The following PRR36 variants were observed in gnomAD, a reference collection of about 807,000 sequenced individuals.
The protein encoded by PRR36 is proline rich 36.
PRR36 carries 30 observed loss-of-function variants against 58.6 expected under a neutral mutation model. That is an observed-to-expected ratio of 0.51 (90% CI 0.38 to 0.69). PRR36 has a LOEUF of 0.69. Ranked by LOEUF, PRR36 falls within the 30% of genes least tolerant of loss-of-function variation. The pLI, the probability that PRR36 is intolerant of heterozygous loss-of-function variation, is 0.00. For missense variants in PRR36, 1,692 were observed against 1,805.6 expected, an observed-to-expected ratio of 0.94 and a Z score of 1.14; for synonymous variants, 771 against 829.3, an observed-to-expected ratio of 0.93 and a Z score of 1.21.
rs1031249896 is a variant in PRR36 at position 7,871,912 on chromosome 19, G to A, written c.1332C>T (p.Pro444=). The A allele has an allele frequency of 6.5e-7, 1 of 1,535,928 alleles. No individual in the cohort carries two copies. Residue 444 remains proline (P), a synonymous_variant, in exon 5 of 6, where the codon CCC becomes CCT. Coordinates refer to ENST00000618550, the MANE Select transcript of PRR36 (RefSeq NM_001190467.2). ...AGGGAGAGAGGAGAGTCGGAAGAGAGGGCAACGCTGGATTAGCTTGGGTGG... is the reference window on the plus strand; with the variant it reads ...AGGGAGAGAGGAGAGTCGGAAGAGAAGGCAACGCTGGATTAGCTTGGGTGG... ...MPPTQANPAL[P]SLPTLLSPLA... is the part of the protein sequence containing the mutation.
Position 7,871,775 on chromosome 19 carries a change from G to A in PRR36, c.1469C>T (p.Ser490Phe). 1 of 1,535,950 alleles carries A rather than the reference G, an allele frequency of 6.5e-7. No homozygotes were observed. The highest frequency in any genetic ancestry group is 8.7e-7 in the Non-Finnish European group (1 of 1,146,870). ...PLAALPQPGL[S>F]ALTTPPPQAS... ...CTGCGGAGGGGGCGTGGTCAGAGCA[G>A]AAAGGCCTGGCTGAGGGAGTGCGGC... Residue 490 changes from serine to phenylalanine, a missense_variant, in exon 5 of 6, where the codon TCT (serine) becomes TTT (phenylalanine). By Grantham distance (155) the Ser-to-Phe change is radical. This residue lies in a region of PRR36 where 975 missense variants were observed against 955.2 expected (regional missense o/e 1.02). Transcript: ENST00000618550.
chr19:7,869,534 C>T lies in PRR36; in HGVS notation c.3540G>A (p.Leu1180=). The T allele has an allele frequency of 6.6e-7, 1 of 1,517,856 alleles. No individual in the cohort carries two copies. The allele number at this position is 1,517,856 out of a possible 1,614,324, so 94.0% of individuals were successfully genotyped here. A position where few individuals can be genotyped will look rare whatever the true frequency, so the allele number is the denominator to read the frequency against. The change falls in exon 6 of 6, where the codon CTG becomes CTA. Residue 1180 remains leucine (L), a synonymous_variant. Transcript: ENST00000618550. Reference sequence around the variant, plus strand: ...CCGGTCCGGTAGCGGGAGGCCACGGCAGGGGCGCACCTGCGGGGAGAGACG... The same window carrying T: ...CCGGTCCGGTAGCGGGAGGCCACGGTAGGGGCGCACCTGCGGGGAGAGACG... The part of the protein sequence containing the change: ...LAFRGAPGAP[L]PWPPATGPGS...
In PRR36 at chr19:7,873,529, C is replaced by A; in HGVS notation, c.161G>T (p.Gly54Val). The change falls in exon 2 of 6, where the codon GGG (glycine) becomes GTG (valine). Residue 54 changes from glycine to valine, a missense_variant. By Grantham distance (109) the Gly-to-Val change is moderately radical. Transcript: ENST00000618550. The surrounding 1 kb of genome is among the most constrained non-coding windows in gnomAD (Gnocchi z 5.0). Reference sequence around the variant, plus strand: ...CGCTCGCTCTGCCAGAGGCTTTCGCCCCACTGCTCCCGCAGCTCCCAGAAC... The same window carrying A: ...CGCTCGCTCTGCCAGAGGCTTTCGCACCACTGCTCCCGCAGCTCCCAGAAC... Reference protein sequence around the residue: ...LRVLGAAGAVGRKPLAERAGG... With the variant: ...LRVLGAAGAVVRKPLAERAGG... The A allele has an allele frequency of 6.5e-7, 1 of 1,535,400 alleles. No homozygotes were observed. Among genetic ancestry groups the A allele is most frequent in the South Asian group, 1.2e-5 (1 of 84,050 alleles).
rs1350445345 is a variant in PRR36 at position 7,868,907 on chromosome 19, G to A, written c.*126C>T. The A allele has an allele frequency of 2.6e-6, 3 of 1,150,250 alleles. No homozygotes were observed. Among genetic ancestry groups the A allele is most frequent in the African/African-American group, 3.2e-5 (2 of 62,696 alleles). 71.3% of individuals were successfully genotyped at this position (1,150,250 alleles called of 1,614,324 possible). A position where few individuals can be genotyped will look rare whatever the true frequency, so the allele number is the denominator to read the frequency against. On this transcript the variant is annotated 3_prime_UTR_variant, in exon 6 of 6. Transcript: ENST00000618550. Reference sequence around the variant, plus strand: ...CGAGGCCAAAGGCTCAGGCTCTAGGGAGCTAAGACTAATCCACCCAGCGGG... The same window carrying A: ...CGAGGCCAAAGGCTCAGGCTCTAGGAAGCTAAGACTAATCCACCCAGCGGG...
rs770410579 is a variant in PRR36, at chr19:7,871,280, G to A, written c.1964C>T (p.Pro655Leu). ...RPASTPPDSP[P>L]LQAPLSLPAS... Reference sequence around the variant, plus strand: ...AGGAAGGGAAAGAGGGGCCTGCAGAGGGGGTGAATCAGGGGGAGTAGAGGC... The same window carrying A: ...AGGAAGGGAAAGAGGGGCCTGCAGAAGGGGTGAATCAGGGGGAGTAGAGGC... Residue 655 changes from proline to leucine, a missense_variant, in exon 5 of 6, where the codon CCT becomes CTT. Pro to Leu is a moderately conservative substitution (Grantham distance 98). Transcript: ENST00000618550. 333 of 1,534,746 alleles carry A rather than the reference G, an allele frequency of 2.2e-4. 1 individual carries two copies. Among genetic ancestry groups the A allele is most frequent in the Non-Finnish European group, 2.7e-4 (309 of 1,146,396 alleles).
At position 7,873,597 on chromosome 19, in the gene PRR36, G is replaced by A; in HGVS notation, c.93C>T (p.Gly31=). 2.0e-6 allele frequency: 3 copies of A among 1,535,008 alleles called. No individual in the cohort carries two copies. The highest frequency in any genetic ancestry group is 1.7e-6 in the Non-Finnish European group (2 of 1,146,658). ...TTACTGGGGGAGGGGGTCGAGGAGA[G>A]CCTGGGGGCCTGGGGGTCAGAAGTC... ...APGLLTPRPP[G]SPRPPPPVTP... Residue 31 remains glycine (G), a synonymous_variant, in exon 2 of 6, where the codon GGC becomes GGT. Transcript: ENST00000618550. This position sits in a 1 kb window ranked among gnomAD's most constrained non-coding sequence, Gnocchi z 5.0.
Position 7,871,259 on chromosome 19 carries a change from A to G in PRR36, c.1985T>C (p.Leu662Pro). The change falls in exon 5 of 6, where the codon CTT becomes CCT. Residue 662 changes from leucine (L) to proline (P), a missense_variant. Physicochemically the swap from Leu to Pro is moderately conservative, Grantham distance 98 (BLOSUM62 -3). Transcript: ENST00000618550. ...DSPPLQAPLSLPASPPLQTSL... is the reference protein window; with the variant it reads ...DSPPLQAPLSPPASPPLQTSL... ...AGTCTGCAGAGGGGGTGAGGCAGGA[A>G]GGGAAAGAGGGGCCTGCAGAGGGGG... The G allele has an allele frequency of 6.8e-7, 1 of 1,477,322 alleles. No individual in the cohort carries two copies. The allele number at this position is 1,477,322 out of a possible 1,614,324, so 91.5% of individuals were successfully genotyped here.
chr19:7,869,253 GCGGCACCCT>G lies in PRR36; in HGVS notation c.3812_3820del (p.Glu1271_Ala1273del), dbSNP rs1980252585. On this transcript the variant is annotated inframe_deletion, in exon 6 of 6. Coordinates refer to ENST00000618550, the MANE Select transcript of PRR36 (RefSeq NM_001190467.2). ...TCCTGGGCCCCCGCCGCTGCCGCCCGCGGCACCCTCGGCAGCCGCCAGCAGCAGCGTCCG... is the reference window on the plus strand; with the variant it reads ...TCCTGGGCCCCCGCCGCTGCCGCCCGCGGCAGCCGCCAGCAGCAGCGTCCG... 1 of 1,482,454 alleles carries G rather than the reference GCGGCACCCT, an allele frequency of 6.7e-7. No homozygotes were observed. Among genetic ancestry groups the G allele is most frequent in the Admixed American group, 2.4e-5 (1 of 42,060 alleles). The allele number at this position is 1,482,454 out of a possible 1,614,324, so 91.8% of individuals were successfully genotyped here.
At position 7,872,723 on chromosome 19, in the gene PRR36, G is replaced by A. The variant is rs1259922335; in HGVS notation, c.521C>T (p.Pro174Leu). The change falls in exon 5 of 6, where the codon CCG (proline) becomes CTG (leucine). Residue 174 changes from proline (P) to leucine (L), a missense_variant. Pro to Leu is a moderately conservative substitution (Grantham distance 98). This residue lies in a region of PRR36 where 975 missense variants were observed against 955.2 expected (regional missense o/e 1.02). Coordinates refer to ENST00000618550, the MANE Select transcript of PRR36 (RefSeq NM_001190467.2). The surrounding 1 kb of genome is among the most constrained non-coding windows in gnomAD (Gnocchi z 6.1). ...TSGPTPGTPSPAMARRSRAAG... is the reference protein window; with the variant it reads ...TSGPTPGTPSLAMARRSRAAG... ...AGCCCGGGACCGACGGGCCATGGCC[G>A]GGGACGGGGTTCCTGGGGTAGGCCC... The A allele has an allele frequency of 5.5e-6, 8 of 1,447,486 alleles. No individual in the cohort carries two copies. The East Asian group carries it at 1.5e-4, about 27-fold the overall frequency. 89.7% of individuals were successfully genotyped at this position (1,447,486 alleles called of 1,614,324 possible). A position where few individuals can be genotyped will look rare whatever the true frequency, so the allele number is the denominator to read the frequency against.
rs753855592 is a variant in PRR36 at position 7,871,082 on chromosome 19, G to A, written c.2162C>T (p.Ser721Phe). 6.5e-7 allele frequency: 1 copy of A among 1,528,210 alleles called. No homozygotes were observed. 94.7% of individuals were successfully genotyped at this position (1,528,210 alleles called of 1,614,324 possible). A position where few individuals can be genotyped will look rare whatever the true frequency, so the allele number is the denominator to read the frequency against. Residue 721 changes from serine to phenylalanine, a missense_variant, in exon 5 of 6, where the codon TCT (serine) becomes TTT (phenylalanine). Ser to Phe is a radical substitution (Grantham distance 155). Around this residue, in one of 5 missense-constraint regions of PRR36, gnomAD observed 38 missense variants for 100.7 expected, o/e 0.38. Coordinates refer to ENST00000618550, the MANE Select transcript of PRR36 (RefSeq NM_001190467.2). ...LETQSSLAPP[S>F]LQTPPASLTT... Reference sequence around the variant, plus strand: ...CAGGGAAGCAGGAGGTGTCTGCAGAGAGGGTGGGGCTAGGGAAGATTGGGT... The same window carrying A: ...CAGGGAAGCAGGAGGTGTCTGCAGAAAGGGTGGGGCTAGGGAAGATTGGGT...
rs73500091 is a variant in PRR36, at chr19:7,870,748, A to G, written c.2496T>C (p.Pro832=). The G allele has an allele frequency of 0.18, 206,938 of 1,136,592 alleles. 16,592 individuals carry two copies. Among genetic ancestry groups the G allele is most frequent in the African/African-American group, 0.37 (16,042 of 43,650 alleles). The allele number at this position is 1,136,592 out of a possible 1,614,324, so 70.4% of individuals were successfully genotyped here. The stretch of plus-strand genomic sequence containing the variant: ...GAGGGGGCGTGGCCAAAGGAGACAG[A>G]GGGGGAGAGGGCAGGCCCTGCAAAG... ...SPPLQGLPSP[P]LSPLATPPPQ... The change falls in exon 5 of 6, where the codon CCT becomes CCC. Residue 832 remains proline (P), a synonymous_variant. Coordinates refer to ENST00000618550, the MANE Select transcript of PRR36 (RefSeq NM_001190467.2).
Position 7,872,014 on chromosome 19 carries a change from G to C in PRR36, c.1230C>G (p.Gly410=), listed in dbSNP as rs757576741. 1 of 1,535,538 alleles carries C rather than the reference G, an allele frequency of 6.5e-7. No homozygotes were observed. The highest frequency in any genetic ancestry group is 1.4e-5 in the African/African-American group (1 of 72,900). Residue 410 remains glycine (G), a synonymous_variant, in exon 5 of 6, where the codon GGC becomes GGG. Coordinates refer to ENST00000618550, the MANE Select transcript of PRR36 (RefSeq NM_001190467.2). The surrounding 1 kb of genome is among the most constrained non-coding windows in gnomAD (Gnocchi z 6.1). ...AAGCGGCTGTGGCCAGGGAAGAGAC[G>C]CCTGCTTCTGGAAAGGACATAATCA... The part of the protein sequence containing the change: ...TQLIMSFPEA[G]VSSLATAAFV...
In PRR36 at chr19:7,873,384, GA is replaced by G; in HGVS notation, c.271+34del. On this transcript the variant is annotated intron_variant, in intron 2 of 5. Transcript: ENST00000618550. This position sits in a 1 kb window ranked among gnomAD's most constrained non-coding sequence, Gnocchi z 5.0. ...GACAGGTATTGGAAGGGGGAGGGAA[GA>G]TGGGGGCGGAGCTGAGGAAGGAGGC... is the stretch of plus-strand genomic sequence containing the variant. The G allele has an allele frequency of 6.6e-7, 1 of 1,517,168 alleles. No homozygotes were observed. The highest frequency in any genetic ancestry group is 8.8e-7 in the Non-Finnish European group (1 of 1,134,964). 94.0% of individuals were successfully genotyped at this position (1,517,168 alleles called of 1,614,324 possible).
rs1980296624 is a variant in PRR36, at chr19:7,869,899, G to A, written c.3345C>T (p.Ser1115=). The change falls in exon 5 of 6, where the codon AGC becomes AGT. Residue 1115 remains serine, a synonymous_variant. Transcript: ENST00000618550. The part of the protein sequence containing the change: ...PPSRSPSSTL[S]GPDLAGHSSS... ...TGCTGTGGCCGGCCAGGTCTGGGCC[G>A]CTCAGCGTGCTGGACGGGCTGCGCG... is the stretch of plus-strand genomic sequence containing the variant. The A allele has an allele frequency of 2.2e-6, 3 of 1,359,740 alleles. No individual in the cohort carries two copies. Among genetic ancestry groups the A allele is most frequent in the Admixed American group, 7.4e-5 (2 of 26,896 alleles). The allele number at this position is 1,359,740 out of a possible 1,614,324, so 84.2% of individuals were successfully genotyped here.
At chr19:7,869,668 G>A (rs1162562650) in intron 5 of PRR36, 47 bp downstream of exon 5, 15 of 1,381,684 alleles carry the variant, frequency 1.1e-5, no homozygotes, top group Non-Finnish European at 1.4e-5. Context: ...GCGAAGCCTC[G>A]CCTCCGACCC....
Position 7,870,194 on chromosome 19 carries a change from G to A in PRR36, c.3050C>T (p.Pro1017Leu). 1 of 1,427,760 alleles carries A rather than the reference G, an allele frequency of 7.0e-7. No homozygotes were observed. The highest frequency in any genetic ancestry group is 9.1e-7 in the Non-Finnish European group (1 of 1,096,196). The allele number at this position is 1,427,760 out of a possible 1,614,324, so 88.4% of individuals were successfully genotyped here. ...CGGAGAGGGAAGGGCCTGCAGAGGAGGTGTGGCCAGAGCAGGTGGGGCCTG... is the reference window on the plus strand; with the variant it reads ...CGGAGAGGGAAGGGCCTGCAGAGGAAGTGTGGCCAGAGCAGGTGGGGCCTG... Reference protein sequence around the residue: ...PPQAPPALATPPLQALPSPPA... With the variant: ...PPQAPPALATLPLQALPSPPA... Residue 1017 changes from proline to leucine, a missense_variant, in exon 5 of 6, where the codon CCT (proline) becomes CTT (leucine). Transcript: ENST00000618550.
rs1208723666 is a variant in PRR36, at chr19:7,872,987, G to A, written c.375-26C>T. On this transcript the variant is annotated intron_variant, in intron 3 of 5. Transcript: ENST00000618550. This position sits in a 1 kb window ranked among gnomAD's most constrained non-coding sequence, Gnocchi z 6.1. ...CTGGAGACAGAAGGGGCCACGCTCA[G>A]GCCTAGGTCTTTGTTTGGCTTCCCA... 6.6e-7 allele frequency: 1 copy of A among 1,514,776 alleles called. No individual in the cohort carries two copies. Among genetic ancestry groups the A allele is most frequent in the Non-Finnish European group, 8.8e-7 (1 of 1,130,172 alleles). 93.8% of individuals were successfully genotyped at this position (1,514,776 alleles called of 1,614,324 possible).
At position 7,873,816 on chromosome 19, in the gene PRR36, G is replaced by C. The variant is rs1482747197; in HGVS notation, c.-7-120C>G. 2.9e-6 allele frequency: 3 copies of C among 1,028,258 alleles called. No individual in the cohort carries two copies. The highest frequency in any genetic ancestry group is 1.6e-5 in the African/African-American group (1 of 61,698). The allele number at this position is 1,028,258 out of a possible 1,614,324, so 63.7% of individuals were successfully genotyped here. A position where few individuals can be genotyped will look rare whatever the true frequency, so the allele number is the denominator to read the frequency against. ...CGCCACCCATGGACACTCAAACCTC[G>C]GCCTCGGCTTCCATCCGCTCGGCTC... is the stretch of plus-strand genomic sequence containing the variant. On this transcript the variant is annotated intron_variant, in intron 1 of 5. Transcript: ENST00000618550. The surrounding 1 kb of genome is among the most constrained non-coding windows in gnomAD (Gnocchi z 5.0).
rs1980232742 is a variant in PRR36, at chr19:7,868,947, G to A, written c.*86C>T. ...CACCCAGCGGGGCTCCAGGGCAGTG[G>A]AGGCGGGGTCTAAAACAAACGGCGT... On this transcript the variant is annotated 3_prime_UTR_variant, in exon 6 of 6. Coordinates refer to ENST00000618550, the MANE Select transcript of PRR36 (RefSeq NM_001190467.2). 2 of 1,389,768 alleles carry A rather than the reference G, an allele frequency of 1.4e-6. No homozygotes were observed. The highest frequency in any genetic ancestry group is 1.5e-5 in the African/African-American group (1 of 67,888). The allele number at this position is 1,389,768 out of a possible 1,614,324, so 86.1% of individuals were successfully genotyped here.
Sources: gnomAD v4.1 joint callset for allele counts on GRCh38, gnomAD v4.1.1 for gene constraint, gnomAD v4.1.1 regional missense constraint, Gnocchi (gnomAD v3.1) non-coding constraint, MANE v1.5 for transcripts, NCBI Gene and HGNC (gene_info 2026-07-23, HGNC 2026-07-21) for gene names.